Variants in ELP3 observed in about 807,000 individuals in gnomAD.
ELP3 encodes elongator complex protein 3.
ELP3 carries 56 observed loss-of-function variants against 74.9 expected under a neutral mutation model. That is an observed-to-expected ratio of 0.75 (90% confidence interval 0.60 to 0.93). The LOEUF (loss-of-function observed/expected upper bound fraction) is 0.93, where lower values mean the gene tolerates loss of function less well. Ranked by LOEUF, ELP3 falls within the 40% of genes least tolerant of loss-of-function variation. The probability of loss-of-function intolerance (pLI) is 0.00; values close to 1 mark genes in which losing one functional copy is unlikely to be tolerated. For missense variants in ELP3, 573 were observed against 686.5 expected (o/e 0.83, Z 1.85); for synonymous variants, 222 against 239.8 (o/e 0.93, Z 0.68).
At chr8:28,136,113 C>T (rs1387458691) in intron 9 of ELP3, among the ~76,000 whole-genome samples, 4 of 152,032 alleles carry the variant, frequency 2.6e-5, no homozygotes, top group Admixed American at 1.3e-4. Flanking sequence ...AGACGCGCAC[C>T]ACCACGTCCA....
intron 6 of ELP3, 182 bp downstream of exon 6, chr8:28,110,620 AC>A: frequency 1.8e-6 from 1 of 555,464 alleles, no homozygotes; most frequent in Non-Finnish European, 3.2e-6. Flanking sequence ...CAAAAACACT[AC>A]TTTCTTTAAA....
At chr8:28,157,040 CCAAGAAGGCCACTGACCTT>C (rs1472697925) in intron 11 of ELP3, among the ~76,000 whole-genome samples, 11 of 152,174 alleles carry the variant, frequency 7.2e-5, no homozygotes, top group Non-Finnish European at 1.3e-4. Flanking sequence ...CCTCTCGCCT[CCAAGAAGGCCACTGACCTT>C]CAAGAAGGCC....
intron 14 of ELP3, among the ~76,000 whole-genome samples, chr8:28,164,222 G>A (rs1447483253): frequency 6.6e-6 from 1 of 152,184 alleles, no homozygotes; most frequent in African/African-American, 2.4e-5. Context: ...TTGCTCATAA[G>A]AGCCTCAGTT....
intron 1 of ELP3, among the ~76,000 whole-genome samples, chr8:28,096,826 T>C (rs552884245): frequency 3.5e-4 from 53 of 152,396 alleles, no homozygotes; most frequent in African/African-American, 1.2e-3. Flanking sequence ...ATCTAAATGT[T>C]CTTTATGAAC....
intron 14 of ELP3, among the ~76,000 whole-genome samples, chr8:28,177,455 TG>T (rs1167174830): frequency 2.6e-5 from 4 of 152,256 alleles, no homozygotes; most frequent in African/African-American, 9.6e-5. Flanking sequence ...GTGTTAATGT[TG>T]GTAGATACAT....
rs148935021 is a variant in ELP3 at position 28,132,281 on chromosome 8, C to T, written c.783C>T (p.Gly261=). Residue 261 remains glycine, a synonymous_variant, in exon 9 of 15, where the codon GGC becomes GGT. Coordinates refer to ENST00000256398, the MANE Select transcript of ELP3 (RefSeq NM_018091.6). ...YEDVARDTNR[G]HTVKAVCESF... is the part of the protein sequence containing the mutation. Reference sequence around the variant, plus strand: ...GGTAGTGATTTTCTTTCCTTAGGGGCCACACTGTGAAGGCAGTGTGTGAGT... The same window carrying T: ...GGTAGTGATTTTCTTTCCTTAGGGGTCACACTGTGAAGGCAGTGTGTGAGT... The T allele has an allele frequency of 6.1e-5, 99 of 1,613,956 alleles. No individual in the cohort carries two copies. The African/African-American group carries it at 1.3e-3, about 20-fold the overall frequency.
At chr8:28,167,406 AT>A (rs1439124832) in intron 14 of ELP3, among the ~76,000 whole-genome samples, 1 of 152,214 alleles carries the variant, frequency 6.6e-6, no homozygotes, top group Non-Finnish European at 1.5e-5. Context: ...AATGGCTGAG[AT>A]TTACTTATTC....
At chr8:28,165,476 C>G (rs1179610036) in intron 14 of ELP3, among the ~76,000 whole-genome samples, 1 of 152,116 alleles carries the variant, frequency 6.6e-6, no homozygotes, top group Non-Finnish European at 1.5e-5. Context: ...CCGACCTTGT[C>G]CTCAGTTTGT....
chr8:28,154,288 C>G (rs1181512884), intron 10 of ELP3, among the ~76,000 whole-genome samples: 1 of 152,066 alleles, frequency 6.6e-6, no homozygotes, highest in Non-Finnish European at 1.5e-5. Flanking sequence ...GGAACCTAAC[C>G]CTGTATATCC....
Position 28,140,205 on chromosome 8 carries a change from G to A in ELP3, c.1100+2314G>A, listed in dbSNP as rs149632798. On this transcript the variant is annotated intron_variant, in intron 10 of 14. Transcript: ENST00000256398. ...TTCCAGTGAGCACAGCTGGTTTCTA[G>A]ATCTTGGTCTCTAAATGCTCTCCAT... Among the ~76,000 whole-genome samples the A allele has an allele frequency of 7.7e-4, 116 of 150,226 alleles. 1 individual carries two copies. The East Asian group carries it at 0.017, about 22-fold the overall frequency.
intron 3 of ELP3, among the ~76,000 whole-genome samples, chr8:28,100,840 G>A (rs1359943382): frequency 2.0e-5 from 3 of 152,166 alleles, no homozygotes; most frequent in African/African-American, 7.2e-5. Flanking sequence ...AGATGAGTGT[G>A]AGATACATGC....
intron 3 of ELP3, among the ~76,000 whole-genome samples, chr8:28,104,874 A>G (rs757335510): frequency 2.6e-5 from 4 of 152,220 alleles, no homozygotes; most frequent in Non-Finnish European, 5.9e-5. Flanking sequence ...CTAGGTGGAT[A>G]TCCTGTTTCT....
At chr8:28,181,668 C>A (rs1368410353) in intron 14 of ELP3, among the ~76,000 whole-genome samples, 2 of 152,204 alleles carry the variant, frequency 1.3e-5, no homozygotes, top group African/African-American at 2.4e-5. Flanking sequence ...AGGTGCAAGA[C>A]CAGAGTCAGG....
At chr8:28,183,523 A>G (rs1042967706) in intron 14 of ELP3, among the ~76,000 whole-genome samples, 1 of 152,122 alleles carries the variant, frequency 6.6e-6, no homozygotes, top group African/African-American at 2.4e-5. Context: ...TCCTGGGTTC[A>G]AGCAATTCTC....
intron 7 of ELP3, among the ~76,000 whole-genome samples, chr8:28,121,258 A>G (rs1017491746): frequency 2.6e-5 from 4 of 151,458 alleles, no homozygotes; most frequent in Non-Finnish European, 4.4e-5. Context: ...AAATATTTGT[A>G]TGTGTTTTGG....
At chr8:28,178,872 G>A (rs943586197) in intron 14 of ELP3, among the ~76,000 whole-genome samples, 1 of 152,154 alleles carries the variant, frequency 6.6e-6, no homozygotes, top group Admixed American at 6.5e-5. Flanking sequence ...ACCTTTTCAT[G>A]TGTTTACTGG....
intron 5 of ELP3, 126 bp downstream of exon 5, chr8:28,108,102 C>T: frequency 1.4e-6 from 1 of 738,594 alleles, no homozygotes; most frequent in Non-Finnish European, 2.2e-6. Context: ...ATTTTAAAAG[C>T]TGTTCATTCA....
intron 11 of ELP3, 105 bp downstream of exon 11, chr8:28,156,137 G>C: frequency 1.2e-6 from 1 of 869,546 alleles, no homozygotes; most frequent in Non-Finnish European, 1.9e-6. Flanking sequence ...TTGCGGGTCA[G>C]GTCAGAAAGC....
intron 10 of ELP3, among the ~76,000 whole-genome samples, chr8:28,153,682 C>T (rs570270564): frequency 3.3e-5 from 5 of 152,174 alleles, no homozygotes; most frequent in South Asian, 4.2e-4. Context: ...GCTCCGTGGG[C>T]GAGTCTCTTA....
Sources: allele counts gnomAD v4.1 joint callset (sites outside exome capture counted in the v4.1 genomes callset), GRCh38; gene constraint gnomAD v4.1.1; transcripts MANE v1.5; gene names NCBI Gene and HGNC (gene_info 2026-07-23, HGNC 2026-07-21).